LRRC37A: variants seen among roughly 807,000 people sequenced by gnomAD.
The protein encoded by LRRC37A is leucine rich repeat containing 37A, also known as leucine-rich repeat-containing protein 37A.
Under a neutral mutation model 35.4 loss-of-function variants are expected in LRRC37A, and 3 were observed. That is an observed-to-expected ratio of 0.08 (90% CI 0.04 to 0.22). The LOEUF (loss-of-function observed/expected upper bound fraction) is 0.22. Ranked by LOEUF, LRRC37A falls within the 10% of genes least tolerant of loss-of-function variation. The pLI, the probability that LRRC37A is intolerant of heterozygous loss-of-function variation, is 1.00. For missense variants in LRRC37A, 67 were observed against 565.3 expected, an observed-to-expected ratio of 0.12 and a Z score of 8.94; for synonymous variants, 23 against 215.0, an observed-to-expected ratio of 0.11 and a Z score of 7.81.
the LRRC37A span, among the ~76,000 whole-genome samples, chr17:46,270,687 T>A: frequency 6.6e-6 from 1 of 152,194 alleles, no homozygotes; most frequent in Non-Finnish European, 1.5e-5. Flanking sequence ...GGCGGGTGGA[T>A]CACAAGGTCA....
At chr17:46,279,786 T>C in the LRRC37A span, among the ~76,000 whole-genome samples, 4 of 152,204 alleles carry the variant, frequency 2.6e-5, no homozygotes, top group Admixed American at 1.3e-4. Context: ...TGAACCACCA[T>C]TCCCAGCCAA....
upstream of LRRC37A, among the ~76,000 whole-genome samples, chr17:46,288,297 A>C (rs2049972296): frequency 2.1e-5 from 3 of 143,496 alleles, no homozygotes; most frequent in East Asian, 2.1e-4. Flanking sequence ...GTGCACCACC[A>C]GGCCCGGCTT....
At chr17:46,263,702 G>A in the LRRC37A span, among the ~76,000 whole-genome samples, 3 of 150,408 alleles carry the variant, frequency 2.0e-5, no homozygotes, top group African/African-American at 7.4e-5. Context: ...CAAAAATACA[G>A]TATTAGCAGG....
the LRRC37A span, chr17:46,268,442 T>C: frequency 8.4e-7 from 1 of 1,187,512 alleles, no homozygotes; most frequent in Non-Finnish European, 1.1e-6. Flanking sequence ...AAAGGCCTTA[T>C]ATTTTCTGTT....
chr17:46,263,459 G>C, the LRRC37A span, among the ~76,000 whole-genome samples: 1 of 149,908 alleles, frequency 6.7e-6, no homozygotes, highest in Non-Finnish European at 1.5e-5. Flanking sequence ...GCTGAGACAG[G>C]AGAATCGATT....
the LRRC37A span, among the ~76,000 whole-genome samples, chr17:46,285,372 C>A: frequency 1.3e-5 from 2 of 151,904 alleles, no homozygotes; most frequent in African/African-American, 4.8e-5. Flanking sequence ...TCCCTAGTAG[C>A]TGGGATTACA....
upstream of LRRC37A, among the ~76,000 whole-genome samples, chr17:46,292,459 C>T: frequency 2.5e-5 from 2 of 80,606 alleles, 1 homozygote; most frequent in Non-Finnish European, 7.5e-5. Context: ...AAATGTGAAA[C>T]TCTGAAACTG....
chr17:46,292,474 T>C (rs185726014), upstream of LRRC37A, among the ~76,000 whole-genome samples: 1,214 of 80,810 alleles, frequency 0.015, 330 homozygotes, highest in Middle Eastern at 0.089. Context: ...AAACTGCTTT[T>C]TGAGTGCAGG....
At chr17:46,290,119 A>G (rs1165754566), upstream of LRRC37A, among the ~76,000 whole-genome samples, 1 of 132,130 alleles carries the variant, frequency 7.6e-6, no homozygotes, top group African/African-American at 2.5e-5. Flanking sequence ...ACCCTGTCTT[A>G]AAACAAAACA....
the LRRC37A span, among the ~76,000 whole-genome samples, chr17:46,283,508 T>C: frequency 3.3e-5 from 5 of 152,374 alleles, no homozygotes; most frequent in African/African-American, 1.2e-4. Flanking sequence ...ATGCGATACA[T>C]GAAATACTTT....
chr17:46,259,013 C>T, the LRRC37A span, among the ~76,000 whole-genome samples: 5 of 110,754 alleles, frequency 4.5e-5, no homozygotes, highest in African/African-American at 6.6e-5. Context: ...CCACCGCACC[C>T]GGCCTATTTT....
At chr17:46,285,691 T>TG in the LRRC37A span, among the ~76,000 whole-genome samples, 1 of 152,168 alleles carries the variant, frequency 6.6e-6, no homozygotes, top group East Asian at 1.9e-4. Flanking sequence ...GCTGAGGTGG[T>TG]GTGGGGATAT....
the LRRC37A span, among the ~76,000 whole-genome samples, chr17:46,266,365 C>T: frequency 6.6e-6 from 1 of 152,144 alleles, no homozygotes; most frequent in Non-Finnish European, 1.5e-5. Flanking sequence ...GTGATGCTAT[C>T]CTCGCCCGCA....
chr17:46,277,284 C>A, the LRRC37A span, among the ~76,000 whole-genome samples: 2 of 152,322 alleles, frequency 1.3e-5, no homozygotes, highest in East Asian at 1.9e-4. Context: ...TGCTCCTTTA[C>A]CAAATTCCCT....
At chr17:46,292,341 A>C (rs191940456), upstream of LRRC37A, among the ~76,000 whole-genome samples, 4 of 79,116 alleles carry the variant, frequency 5.1e-5, no homozygotes, top group East Asian at 9.7e-4. Flanking sequence ...CGAGGAAAAA[A>C]AAAAAAAAGA....
the LRRC37A span, among the ~76,000 whole-genome samples, chr17:46,262,532 T>C: frequency 6.6e-6 from 1 of 152,234 alleles, no homozygotes; most frequent in East Asian, 1.9e-4. Flanking sequence ...ATTTAAAAGC[T>C]CAGGAATTAT....
At chr17:46,271,164 C>CTTTTTT in the LRRC37A span, among the ~76,000 whole-genome samples, 2 of 121,296 alleles carry the variant, frequency 1.6e-5, no homozygotes, top group Non-Finnish European at 3.5e-5. Flanking sequence ...GTAATAGTTT[C>CTTTTTT]TTTTTTTTTT....
At chr17:46,332,823 T>A (rs1479024645) in intron 10 of LRRC37A, 167 bp downstream of exon 10, 4 of 383,446 alleles carry the variant, frequency 1.0e-5, no homozygotes, top group Admixed American at 7.4e-5. Flanking sequence ...TTGCAGTGTA[T>A]ATTTCAGGAT....
the LRRC37A span, chr17:46,268,390 A>G: frequency 2.3e-6 from 2 of 868,642 alleles, no homozygotes; most frequent in Non-Finnish European, 3.1e-6. Context: ...ATCAGTTTCA[A>G]CTTGTGCAGC....
Sources: gnomAD v4.1 joint callset for allele counts (sites outside exome capture counted in the v4.1 genomes callset) on GRCh38, gnomAD v4.1.1 for gene constraint, MANE v1.5 for transcripts, NCBI Gene and HGNC (gene_info 2026-07-23, HGNC 2026-07-21) for gene names.